The following HIKESHI variants were observed in gnomAD, a reference collection of about 807,000 sequenced individuals.
The protein encoded by HIKESHI is protein Hikeshi.
HIKESHI carries 13 observed loss-of-function variants against 25.7 expected under a neutral mutation model. That is an observed-to-expected ratio of 0.51 (90% CI 0.33 to 0.80). HIKESHI has a LOEUF of 0.80. HIKESHI is among the 30% of genes least tolerant of loss of function. The probability of loss-of-function intolerance (pLI) is 0.02; values close to 1 mark genes in which losing one functional copy is unlikely to be tolerated. For missense variants in HIKESHI, 174 were observed against 229.5 expected (o/e 0.76, Z 1.56); for synonymous variants, 76 against 78.7 (o/e 0.97, Z 0.18).
chr11:86,303,793 A>G (rs1296098985), intron 1 of HIKESHI, among the ~76,000 whole-genome samples: 1 of 152,206 alleles, frequency 6.6e-6, no homozygotes, highest in Non-Finnish European at 1.5e-5. Context: ...ATCTAAACTT[A>G]TGAACCCAGT....
intron 3 of HIKESHI, among the ~76,000 whole-genome samples, chr11:86,339,430 T>C (rs1947661792): frequency 6.6e-6 from 1 of 152,222 alleles, no homozygotes; most frequent in Non-Finnish European, 1.5e-5. Flanking sequence ...GCTCTCTTTA[T>C]GGTGGGGTAT....
chr11:86,308,150 G>GTATAAAGTATATATTACA (rs1946715079), intron 2 of HIKESHI, among the ~76,000 whole-genome samples: 1 of 46,340 alleles, frequency 2.2e-5, no homozygotes, highest in South Asian at 6.0e-4. Flanking sequence ...AATATATATT[G>GTATAAAGTATATATTACA]TATAAAATAT....
intron 2 of HIKESHI, among the ~76,000 whole-genome samples, chr11:86,317,792 A>G (rs1198376040): frequency 6.6e-6 from 1 of 152,122 alleles, no homozygotes; most frequent in African/African-American, 2.4e-5. Context: ...GCGATAGAAA[A>G]AAAACAAAAA....
intron 3 of HIKESHI, among the ~76,000 whole-genome samples, chr11:86,337,798 C>T (rs147449737): frequency 1.3e-5 from 2 of 152,246 alleles, no homozygotes; most frequent in African/African-American, 2.4e-5. Flanking sequence ...GCTGGGACTA[C>T]AGGCACATGT....
intron 4 of HIKESHI, chr11:86,345,032 A>G (rs1037107653): frequency 1.3e-6 from 1 of 751,854 alleles, no homozygotes; most frequent in African/African-American, 1.8e-5. Flanking sequence ...AGAGTAGTTT[A>G]TACTGCACTG....
intron 2 of HIKESHI, chr11:86,326,542 C>T (rs1327280335): frequency 2.2e-6 from 1 of 456,224 alleles, no homozygotes; most frequent in Admixed American, 2.3e-5. Flanking sequence ...TTGCTGCCTA[C>T]TTTCAACATC....
At chr11:86,340,955 A>T (rs753523330) in intron 3 of HIKESHI, among the ~76,000 whole-genome samples, 1 of 152,140 alleles carries the variant, frequency 6.6e-6, no homozygotes, top group East Asian at 1.9e-4. Flanking sequence ...AAATAGTGTA[A>T]TATGTGAAAC....
chr11:86,312,620 T>C (rs1946863421), intron 2 of HIKESHI, among the ~76,000 whole-genome samples: 1 of 152,246 alleles, frequency 6.6e-6, no homozygotes, highest in African/African-American at 2.4e-5. Flanking sequence ...GCTGGTTATT[T>C]TGCTTGTTAG....
chr11:86,313,174 G>A (rs1946879510), intron 2 of HIKESHI, among the ~76,000 whole-genome samples: 1 of 152,118 alleles, frequency 6.6e-6, no homozygotes, highest in Non-Finnish European at 1.5e-5. Flanking sequence ...TGAATCTCTG[G>A]TTCCCTTGAA....
chr11:86,306,087 G>T (rs1311168130), intron 1 of HIKESHI, among the ~76,000 whole-genome samples, 158 bp from the exon 2 acceptor site: 1 of 152,080 alleles, frequency 6.6e-6, no homozygotes, highest in East Asian at 1.9e-4. Flanking sequence ...GATTATGATT[G>T]TAAAACTAAG....
intron 2 of HIKESHI, among the ~76,000 whole-genome samples, chr11:86,336,771 A>G (rs1206484547): frequency 1.3e-5 from 2 of 152,236 alleles, no homozygotes; most frequent in Non-Finnish European, 2.9e-5. Flanking sequence ...AAACTACACC[A>G]AGACACACGA....
At chr11:86,317,004 G>C (rs1346214626) in intron 2 of HIKESHI, among the ~76,000 whole-genome samples, 1 of 151,754 alleles carries the variant, frequency 6.6e-6, no homozygotes, top group Non-Finnish European at 1.5e-5. Flanking sequence ...TTGTTAGCCA[G>C]GATGGTCTCG....
chr11:86,321,123 C>T lies in HIKESHI; in HGVS notation c.268+14641C>T, dbSNP rs192398022. Among the ~76,000 whole-genome samples the T allele has an allele frequency of 6.8e-4, 103 of 152,062 alleles. 1 individual carries two copies. In the East Asian group the frequency reaches 0.018, roughly 26 times the overall value. On this transcript the variant is annotated intron_variant, in intron 2 of 4. Transcript: ENST00000278483. ...CTAATTTTTGTATTTTTAGTAGAGA[C>T]GAGGTTTCACCATGTTGGCCAGGCT... is the stretch of plus-strand genomic sequence containing the variant.
At chr11:86,319,099 A>G (rs907161632) in intron 2 of HIKESHI, among the ~76,000 whole-genome samples, 2 of 151,308 alleles carry the variant, frequency 1.3e-5, no homozygotes, top group African/African-American at 4.9e-5. Flanking sequence ...TTTTGTAGAG[A>G]TAGGGTCTTG....
At chr11:86,335,286 T>C (rs1013324247) in intron 2 of HIKESHI, among the ~76,000 whole-genome samples, 1 of 152,178 alleles carries the variant, frequency 6.6e-6, no homozygotes, top group African/African-American at 2.4e-5. Flanking sequence ...CTTGGGGGTG[T>C]TTGTTAAAAG....
At chr11:86,342,661 T>A (rs1947765125) in intron 3 of HIKESHI, among the ~76,000 whole-genome samples, 1 of 151,952 alleles carries the variant, frequency 6.6e-6, no homozygotes, top group Non-Finnish European at 1.5e-5. Context: ...GTAAGGGAAT[T>A]AAATTCATTT....
chr11:86,337,351 A>G, intron 2 of HIKESHI, 28 bp from the exon 3 acceptor site: 2 of 1,594,286 alleles, frequency 1.3e-6, no homozygotes, highest in East Asian at 2.2e-5. Flanking sequence ...TTAATTTGAA[A>G]TGTGTGTCAT....
At chr11:86,313,689 A>G (rs1004540879) in intron 2 of HIKESHI, among the ~76,000 whole-genome samples, 1 of 152,246 alleles carries the variant, frequency 6.6e-6, no homozygotes, top group African/African-American at 2.4e-5. Context: ...CTCATAGAGG[A>G]AGACATTTCT....
chr11:86,342,478 CGTGT>C lies in HIKESHI; in HGVS notation c.421-2084_421-2081del, dbSNP rs34980731. On this transcript the variant is annotated intron_variant, in intron 3 of 4. Transcript: ENST00000278483. ...TGATATGTAAAGATATAAAGATGTTCGTGTGTGTGTGTGTGTGTGTGTGTGTGTG... is the reference window on the plus strand; with the variant it reads ...TGATATGTAAAGATATAAAGATGTTCGTGTGTGTGTGTGTGTGTGTGTGTG... Among the ~76,000 whole-genome samples, 1,059 of 147,430 alleles carry C rather than the reference CGTGT, an allele frequency of 7.2e-3. 7 individuals are homozygous for C. The highest frequency in any genetic ancestry group is 8.6e-3 in the Non-Finnish European group (570 of 66,558).
Sources: gnomAD v4.1 joint callset for allele counts (sites outside exome capture counted in the v4.1 genomes callset) on GRCh38, gnomAD v4.1.1 for gene constraint, MANE v1.5 for transcripts, NCBI Gene and HGNC (gene_info 2026-07-23, HGNC 2026-07-21) for gene names.